TIMM22: variants seen among roughly 807,000 people sequenced by gnomAD.
TIMM22 encodes the protein mitochondrial import inner membrane translocase subunit Tim22.
In TIMM22, 12 loss-of-function variants were observed where a neutral mutation model predicts 18.3. The observed-to-expected ratio is 0.65, with a 90% CI of 0.42 to 1.06. The LOEUF is 1.06. Among genes scored for constraint, TIMM22 ranks in the 50% least tolerant of loss-of-function variants. The pLI is 0.00. For missense variants in TIMM22, 278 were observed against 252.8 expected (o/e 1.10, Z -0.68); for synonymous variants, 107 against 98.5 (o/e 1.09, Z -0.51).
chr17:999,346 T>G (rs796447081), intron 2 of TIMM22, among the ~76,000 whole-genome samples, 166 bp from the exon 3 acceptor site: 2 of 140,290 alleles, frequency 1.4e-5, no homozygotes, highest in East Asian at 4.0e-4. Context: ...TATATATATA[T>G]ATATATATAT....
chr17:998,761 C>A lies in TIMM22; in HGVS notation c.239-18C>A, dbSNP rs1296715319. 6.2e-7 allele frequency: 1 copy of A among 1,607,530 alleles called. No homozygotes were observed. Among genetic ancestry groups the A allele is most frequent in the Admixed American group, 1.7e-5 (1 of 59,576 alleles). ...GAAAACATGCCAAAGACACCTTCAT[C>A]TCTGTGTTTGCTTCTAGGATTTGTC... On this transcript the variant is annotated intron_variant, in intron 1 of 3. Transcript: ENST00000327158.
chr17:999,960 CA>C (rs1396073236), intron 3 of TIMM22, among the ~76,000 whole-genome samples: 1 of 152,048 alleles, frequency 6.6e-6, no homozygotes, highest in Non-Finnish European at 1.5e-5. Context: ...AGTGCAGTGG[CA>C]CGATGTCAGC....
rs1462889360 is a variant in TIMM22, at chr17:997,195, C to T, written c.53C>T (p.Ser18Phe). The T allele has an allele frequency of 1.2e-6, 2 of 1,612,174 alleles. No individual in the cohort carries two copies. The highest frequency in any genetic ancestry group is 2.7e-5 in the African/African-American group (2 of 74,942). ...GGCTCGGCCCCTGAGACAGCGGGTT[C>T]CGCCGAAGCTCCGCTGCAGTACAGC... ...AGGSAPETAG[S>F]AEAPLQYSLL... is the part of the protein sequence containing the mutation. Residue 18 changes from serine (S) to phenylalanine (F), a missense_variant, in exon 1 of 4, where the codon TCC (serine) becomes TTC (phenylalanine). By Grantham distance (155) the Ser-to-Phe change is radical. Transcript: ENST00000327158.
chr17:999,323 C>CTATATATATATATATATA lies in TIMM22; in HGVS notation c.436-170_436-153dup, dbSNP rs57081954. The stretch of plus-strand genomic sequence containing the variant: ...TGCAGGAAGCATCTATGAACGCATA[C>CTATATATATATATATATA]TATATATATATATATATATATATAT... On this transcript the variant is annotated intron_variant, in intron 2 of 3. Transcript: ENST00000327158. Among the ~76,000 whole-genome samples, 146 of 120,500 alleles carry CTATATATATATATATATA rather than the reference C, an allele frequency of 1.2e-3. 1 individual carries two copies. Among genetic ancestry groups the CTATATATATATATATATA allele is most frequent in the African/African-American group, 1.7e-3 (45 of 26,746 alleles). 79.1% of individuals were successfully genotyped at this position (120,500 alleles called of 152,430 possible).
Position 1,002,175 on chromosome 17 carries a change from A to G in TIMM22, c.*1087A>G, listed in dbSNP as rs1040241432. ...AAAAAAAAAAAAAAAAAATCCGTCT[A>G]CAGTTGGGCTTCAGCACTGGTGCTG... On this transcript the variant is annotated 3_prime_UTR_variant, in exon 4 of 4. Coordinates refer to ENST00000327158, the MANE Select transcript of TIMM22 (RefSeq NM_013337.4). The G allele has an allele frequency of 2.7e-5, 4 of 149,542 alleles. No homozygotes were observed. The highest frequency in any genetic ancestry group is 5.9e-5 in the Non-Finnish European group (4 of 67,662). The allele number at this position is 149,542 out of a possible 1,614,324, so 9.3% of individuals were successfully genotyped here.
chr17:998,972 A>C lies in TIMM22; in HGVS notation c.432A>C (p.Glu144Asp). 1.2e-6 allele frequency: 2 copies of C among 1,610,548 alleles called. No homozygotes were observed. Among genetic ancestry groups the C allele is most frequent in the Non-Finnish European group, 1.7e-6 (2 of 1,177,376 alleles). Residue 144 changes from glutamate to aspartate, a missense_variant, in exon 2 of 4, where the codon GAA (glutamate) becomes GAC (aspartate). Coordinates refer to ENST00000327158, the MANE Select transcript of TIMM22 (RefSeq NM_013337.4). ...AMFSCTECLI[E>D]SYRGTSDWKN... The stretch of plus-strand genomic sequence containing the variant: ...TTTCTTGTACTGAGTGTTTGATAGA[A>C]TCTGTAAGTGTCTCTGCCTTCTAAG...
intron 3 of TIMM22, 88 bp downstream of exon 3, chr17:999,672 G>A: frequency 5.7e-6 from 7 of 1,221,072 alleles, no homozygotes; most frequent in South Asian, 1.4e-5. Flanking sequence ...GTGTTCCAGG[G>A]ACACTTGATC....
Position 1,001,226 on chromosome 17 carries a change from G to A in TIMM22, c.*138G>A. The stretch of plus-strand genomic sequence containing the variant: ...TCCCTCATGTCGTTGGTATTCTGAG[G>A]GAGCTGCCTGGCTTCTCTGCCTCCA... On this transcript the variant is annotated 3_prime_UTR_variant, in exon 4 of 4. Transcript: ENST00000327158. 1.1e-6 allele frequency: 1 copy of A among 926,448 alleles called. No individual in the cohort carries two copies. Among genetic ancestry groups the A allele is most frequent in the South Asian group, 1.5e-5 (1 of 65,782 alleles). 57.4% of individuals were successfully genotyped at this position (926,448 alleles called of 1,614,324 possible). A position where few individuals can be genotyped will look rare whatever the true frequency, so the allele number is the denominator to read the frequency against.
At chr17:1,000,355 A>G (rs2069732105) in intron 3 of TIMM22, among the ~76,000 whole-genome samples, 1 of 149,764 alleles carries the variant, frequency 6.7e-6, no homozygotes, top group Non-Finnish European at 1.5e-5. Flanking sequence ...AAGAAAACCA[A>G]TTTGCTGCCT....
chr17:999,812 T>C (rs2069724971), intron 3 of TIMM22, among the ~76,000 whole-genome samples: 1 of 152,200 alleles, frequency 6.6e-6, no homozygotes, highest in Non-Finnish European at 1.5e-5. Flanking sequence ...TTTGTCGGGA[T>C]TGGGTCTGTT....
At position 999,562 on chromosome 17, in the gene TIMM22, G is replaced by A. The variant is rs62640032; in HGVS notation, c.486G>A (p.Thr162=). The A allele has an allele frequency of 0.03, 48,687 of 1,613,188 alleles. 881 individuals are homozygous for A. Among genetic ancestry groups the A allele is most frequent in the Non-Finnish European group, 0.036 (42,025 of 1,179,610 alleles). The part of the protein sequence containing the change: ...WKNSVISGCI[T]GGAIGFRAGL... ...ACAGTGTCATCAGTGGCTGCATCACGGGAGGAGCTATTGGTTTCAGAGGTT... is the reference window on the plus strand; with the variant it reads ...ACAGTGTCATCAGTGGCTGCATCACAGGAGGAGCTATTGGTTTCAGAGGTT... The change falls in exon 3 of 4, where the codon ACG becomes ACA. Residue 162 remains threonine (T), a synonymous_variant. Coordinates refer to ENST00000327158, the MANE Select transcript of TIMM22 (RefSeq NM_013337.4).
rs1408779709 is a variant in TIMM22 at position 999,358 on chromosome 17, T to TATATACATATATAC, written c.436-153_436-152insTATACATATATACA. 6.9e-4 allele frequency among the ~76,000 whole-genome samples: 91 copies of TATATACATATATAC among 132,570 alleles called. 1 individual carries two copies. Among genetic ancestry groups the TATATACATATATAC allele is most frequent in the African/African-American group, 2.7e-3 (84 of 31,232 alleles). 87.0% of individuals were successfully genotyped at this position (132,570 alleles called of 152,430 possible). A position where few individuals can be genotyped will look rare whatever the true frequency, so the allele number is the denominator to read the frequency against. ...ATATATATATATATATATATATATA[T>TATATACATATATAC]ACACGCTGTATACTTAGGAACTATA... On this transcript the variant is annotated intron_variant, in intron 2 of 3. Transcript: ENST00000327158.
rs370901854 is a variant in TIMM22 at position 999,023 on chromosome 17, A to C, written c.435+48A>C. The C allele has an allele frequency of 1.7e-4, 267 of 1,559,204 alleles. No homozygotes were observed. In the African/African-American group the frequency reaches 3.4e-3, roughly 20 times the overall value. ...AAATCCTTGCTGGGGCCACCATTTC[A>C]TTACTTTTAAAGAGAAATTGCTCTT... On this transcript the variant is annotated intron_variant, in intron 2 of 3. Coordinates refer to ENST00000327158, the MANE Select transcript of TIMM22 (RefSeq NM_013337.4).
In TIMM22 at chr17:1,003,203, A is replaced by C. The variant is rs1215898982; in HGVS notation, c.*2115A>C. On this transcript the variant is annotated 3_prime_UTR_variant, in exon 4 of 4. Transcript: ENST00000327158. ...AAAGAAGACGCTTCCTGTTCAGTGG[A>C]CAACTTCATGCCACTTTCAAGGCAC... 1.3e-5 allele frequency: 2 copies of C among 152,258 alleles called. No homozygotes were observed. Among genetic ancestry groups the C allele is most frequent in the African/African-American group, 4.8e-5 (2 of 41,464 alleles). The allele number at this position is 152,258 out of a possible 1,614,324, so 9.4% of individuals were successfully genotyped here.
At chr17:1,000,875 TC>T in intron 3 of TIMM22, 136 bp from the exon 4 acceptor site, 2 of 832,352 alleles carry the variant, frequency 2.4e-6, no homozygotes, top group Non-Finnish European at 4.1e-6. Flanking sequence ...ATTGATGTCT[TC>T]CAGAGCTATG....
chr17:1,001,403 G>A lies in TIMM22; in HGVS notation c.*315G>A. ...AAAGCTTCAGGCCTGACCACAGCTG[G>A]CCCTCTAGGTTGTTTGGTGTTGTGG... On this transcript the variant is annotated 3_prime_UTR_variant, in exon 4 of 4. Transcript: ENST00000327158. 1 of 320,520 alleles carries A rather than the reference G, an allele frequency of 3.1e-6. No homozygotes were observed. Among genetic ancestry groups the A allele is most frequent in the Non-Finnish European group, 6.1e-6 (1 of 164,448 alleles). 19.9% of individuals were successfully genotyped at this position (320,520 alleles called of 1,614,324 possible).
rs899713989 is a variant in TIMM22 at position 1,002,804 on chromosome 17, A to G, written c.*1716A>G. ...CAGTCTAGCACGTGGGACCAAATAC[A>G]AGAGATGCTGCCCTCACAACAGCCT... On this transcript the variant is annotated 3_prime_UTR_variant, in exon 4 of 4. Transcript: ENST00000327158. 1.3e-5 allele frequency: 2 copies of G among 152,150 alleles called. No individual in the cohort carries two copies. The highest frequency in any genetic ancestry group is 2.9e-5 in the Non-Finnish European group (2 of 68,046). 9.4% of individuals were successfully genotyped at this position (152,150 alleles called of 1,614,324 possible).
At chr17:998,306 A>G (rs1476113180) in intron 1 of TIMM22, among the ~76,000 whole-genome samples, 1 of 152,196 alleles carries the variant, frequency 6.6e-6, no homozygotes, top group Non-Finnish European at 1.5e-5. Flanking sequence ...TGGCCTTGGG[A>G]GAAGTTGCTT....
chr17:1,001,355 G>C lies in TIMM22; in HGVS notation c.*267G>C. On this transcript the variant is annotated 3_prime_UTR_variant, in exon 4 of 4. Coordinates refer to ENST00000327158, the MANE Select transcript of TIMM22 (RefSeq NM_013337.4). ...ACAGCAGATCGGGAGACAGGATGTT[G>C]ACATATAGGAATTCAGCTCCACAAA... 1 of 398,618 alleles carries C rather than the reference G, an allele frequency of 2.5e-6. No individual in the cohort carries two copies. The allele number at this position is 398,618 out of a possible 1,614,324, so 24.7% of individuals were successfully genotyped here.
Sources: allele counts gnomAD v4.1 joint callset (sites outside exome capture counted in the v4.1 genomes callset), GRCh38; gene constraint gnomAD v4.1.1; transcripts MANE v1.5; gene names NCBI Gene and HGNC (gene_info 2026-07-23, HGNC 2026-07-21).